The following GPR158 variants were observed in gnomAD, a reference collection of about 807,000 sequenced individuals.
The protein encoded by GPR158 is metabotropic glycine receptor.
A neutral mutation model predicts 78.2 loss-of-function variants in GPR158; 30 were observed. The observed-to-expected ratio is 0.38, with a 90% CI of 0.29 to 0.52. The LOEUF (loss-of-function observed/expected upper bound fraction) is 0.52. Ranked by LOEUF, GPR158 falls within the 20% of genes least tolerant of loss-of-function variation. GPR158 has a pLI of 0.83. For missense variants in GPR158, 1,463 were observed against 1,523.5 expected, an observed-to-expected ratio of 0.96 and a Z score of 0.66; for synonymous variants, 581 against 591.1, an observed-to-expected ratio of 0.98 and a Z score of 0.25.
At chr10:25,389,587 G>A (rs902201623) in intron 2 of GPR158, among the ~76,000 whole-genome samples, 1 of 152,168 alleles carries the variant, frequency 6.6e-6, no homozygotes, top group African/African-American at 2.4e-5. Context: ...CTTCCTGGAT[G>A]GAGTACAAGA....
At chr10:25,478,911 A>G (rs5004466) in intron 5 of GPR158, among the ~76,000 whole-genome samples, 103,778 of 150,948 alleles carry the variant, frequency 0.69, 36,050 homozygotes, top group East Asian at 0.99. Flanking sequence ...TTTTTTTGTC[A>G]TTGCGATAGT....
At position 25,369,819 on chromosome 10, in the gene GPR158, G is replaced by A. The variant is rs567202432; in HGVS notation, c.1009-26092G>A. ...GTCCTGGACTCTTTTTGGTTGGTAAGCTATTGATTATTGCTACAATTTCAG... is the reference window on the plus strand; with the variant it reads ...GTCCTGGACTCTTTTTGGTTGGTAAACTATTGATTATTGCTACAATTTCAG... On this transcript the variant is annotated intron_variant, in intron 2 of 10. Transcript: ENST00000376351. Among the ~76,000 whole-genome samples the A allele has an allele frequency of 3.9e-5, 6 of 152,172 alleles. No homozygotes were observed. The South Asian group carries it at 1.0e-3, about 26-fold the overall frequency.
chr10:25,581,991 C>T (rs866495060), intron 7 of GPR158, among the ~76,000 whole-genome samples: 6 of 151,998 alleles, frequency 3.9e-5, no homozygotes, highest in South Asian at 4.2e-4. Flanking sequence ...CGGCAGGCAA[C>T]GAGAGAATGA....
At chr10:25,526,103 TAAAAAAAAAA>T (rs4017850) in intron 5 of GPR158, among the ~76,000 whole-genome samples, 40 of 69,206 alleles carry the variant, frequency 5.8e-4, no homozygotes, top group African/African-American at 1.6e-3. Flanking sequence ...CAATTTTGTC[TAAAAAAAAAA>T]AAAAAAAAAA....
intron 6 of GPR158, among the ~76,000 whole-genome samples, chr10:25,555,176 T>C (rs2130716186): frequency 6.6e-6 from 1 of 152,230 alleles, no homozygotes; most frequent in African/African-American, 2.4e-5. Flanking sequence ...GCTTTGTTCT[T>C]TTGGCTTAGG....
intron 6 of GPR158, among the ~76,000 whole-genome samples, chr10:25,564,802 GCTC>G (rs1253827266): frequency 6.6e-6 from 1 of 152,096 alleles, no homozygotes; most frequent in Non-Finnish European, 1.5e-5. Flanking sequence ...ATTTCTATAA[GCTC>G]CTAAGTAGTT....
In GPR158 at chr10:25,285,706, A is replaced by G. The variant is rs373702138; in HGVS notation, c.1008+64549A>G. Among the ~76,000 whole-genome samples, 8 of 152,276 alleles carry G rather than the reference A, an allele frequency of 5.3e-5. No homozygotes were observed. In the East Asian group the frequency reaches 1.5e-3, roughly 29 times the overall value. On this transcript the variant is annotated intron_variant, in intron 2 of 10. Transcript: ENST00000376351. ...TCTAACCCCATTGGACTCACATGCC[A>G]ATCTTCTTTGAATAAAACCTTCACA... is the stretch of plus-strand genomic sequence containing the variant.
chr10:25,598,309 C>T lies in GPR158; in HGVS notation c.2683C>T (p.Arg895Ter), dbSNP rs373746117. 3.7e-6 allele frequency: 6 copies of T among 1,613,924 alleles called. No individual in the cohort carries two copies. The highest frequency in any genetic ancestry group is 5.1e-6 in the Non-Finnish European group (6 of 1,180,014). ...LSSEKKTGHP[R>*]TSMLQKSLSV... is the part of the protein sequence containing the mutation. ...CTCAGAGAAGAAAACTGGGCACCCACGAACATCGATGTTACAGAAGTCTCT... is the reference window on the plus strand; with the variant it reads ...CTCAGAGAAGAAAACTGGGCACCCATGAACATCGATGTTACAGAAGTCTCT... Residue 895 changes from arginine to a stop codon, truncating the protein, a stop_gained, in exon 11 of 11, where the codon CGA becomes TGA. Coordinates refer to ENST00000376351, the MANE Select transcript of GPR158 (RefSeq NM_020752.3). LOFTEE classifies it low-confidence loss of function (END_TRUNC).
At chr10:25,549,933 T>C (rs935525107) in intron 5 of GPR158, among the ~76,000 whole-genome samples, 2 of 152,186 alleles carry the variant, frequency 1.3e-5, no homozygotes, top group Non-Finnish European at 1.5e-5. Flanking sequence ...TGTTACGACC[T>C]TGCTTTTAGC....
chr10:25,451,990 A>G (rs1835224995), intron 4 of GPR158, among the ~76,000 whole-genome samples: 1 of 151,734 alleles, frequency 6.6e-6, no homozygotes, highest in Non-Finnish European at 1.5e-5. Context: ...ATTTCCCCAC[A>G]TTCTCCAAAA....
chr10:25,235,658 T>C, intron 2 of GPR158, among the ~76,000 whole-genome samples: 1 of 151,492 alleles, frequency 6.6e-6, no homozygotes, highest in African/African-American at 2.4e-5. Flanking sequence ...ATGAGGACAG[T>C]TTTTTTTAGC....
Position 25,175,740 on chromosome 10 carries a change from G to T in GPR158, c.320G>T (p.Gly107Val), listed in dbSNP as rs780245556. Residue 107 changes from glycine to valine, a missense_variant, in exon 1 of 11, where the codon GGC becomes GTC. Gly to Val is a moderately radical substitution (Grantham distance 109, BLOSUM62 -3). Coordinates refer to ENST00000376351, the MANE Select transcript of GPR158 (RefSeq NM_020752.3). The surrounding 1 kb of genome is among the most constrained non-coding windows in gnomAD (Gnocchi z 6.4). ...TGCTCCGGCCGCTACGAGTTGGCGGGCCTGCCGGGGAAGTGGCCAGCCCTG... is the reference window on the plus strand; with the variant it reads ...TGCTCCGGCCGCTACGAGTTGGCGGTCCTGCCGGGGAAGTGGCCAGCCCTG... ...ANCSGRYELA[G>V]LPGKWPALAS... 6.2e-7 allele frequency: 1 copy of T among 1,611,384 alleles called. No homozygotes were observed. The highest frequency in any genetic ancestry group is 2.2e-5 in the East Asian group (1 of 44,856).
In GPR158 at chr10:25,300,151, A is replaced by G. The variant is rs536857630; in HGVS notation, c.1008+78994A>G. On this transcript the variant is annotated intron_variant, in intron 2 of 10. Transcript: ENST00000376351. ...TATATCTTACACTTCTGTAGATTACAAGTCTGACACAGCTCTCATTGTGCT... is the reference window on the plus strand; with the variant it reads ...TATATCTTACACTTCTGTAGATTACGAGTCTGACACAGCTCTCATTGTGCT... Among the ~76,000 whole-genome samples the G allele has an allele frequency of 1.5e-4, 23 of 152,340 alleles. No individual in the cohort carries two copies. The East Asian group carries it at 2.7e-3, about 18-fold the overall frequency.
chr10:25,227,885 AATTT>A (rs1337493901), intron 2 of GPR158, among the ~76,000 whole-genome samples: 1 of 152,206 alleles, frequency 6.6e-6, no homozygotes, highest in African/African-American at 2.4e-5. Flanking sequence ...GAAGTGCAGG[AATTT>A]ATTTATTGGA....
chr10:25,303,337 A>G (rs1854626471), intron 2 of GPR158, among the ~76,000 whole-genome samples: 2 of 152,206 alleles, frequency 1.3e-5, no homozygotes, highest in Admixed American at 1.3e-4. Context: ...TTTCCATTAG[A>G]AAGCTCTATT....
intron 2 of GPR158, among the ~76,000 whole-genome samples, chr10:25,389,080 G>T (rs1834259040): frequency 6.6e-6 from 1 of 152,238 alleles, no homozygotes; most frequent in African/African-American, 2.4e-5. Flanking sequence ...GGCACAAACA[G>T]CCTGGGTGCC....
At chr10:25,366,101 C>T (rs563091326) in intron 2 of GPR158, among the ~76,000 whole-genome samples, 5 of 151,406 alleles carry the variant, frequency 3.3e-5, no homozygotes, top group South Asian at 2.1e-4. Context: ...TAATATAGCA[C>T]AATTTATTTC....
chr10:25,388,787 G>T (rs1211825659), intron 2 of GPR158, among the ~76,000 whole-genome samples: 1 of 152,214 alleles, frequency 6.6e-6, no homozygotes, highest in African/African-American at 2.4e-5. Flanking sequence ...TGCACTCTTG[G>T]GGGGCCTGGG....
intron 2 of GPR158, among the ~76,000 whole-genome samples, chr10:25,290,015 C>T (rs1217867934): frequency 6.6e-6 from 1 of 152,154 alleles, no homozygotes; most frequent in Non-Finnish European, 1.5e-5. Context: ...CACTAATTAG[C>T]TTGACAATAA....
Sources: gnomAD v4.1 joint callset for allele counts (sites outside exome capture counted in the v4.1 genomes callset) on GRCh38, gnomAD v4.1.1 for gene constraint, Gnocchi (gnomAD v3.1) non-coding constraint, MANE v1.5 for transcripts, NCBI Gene and HGNC (gene_info 2026-07-23, HGNC 2026-07-21) for gene names.